The following NUP210L variants were observed in gnomAD, a reference collection of about 807,000 sequenced individuals.
NUP210L encodes nuclear pore membrane glycoprotein 210-like.
NUP210L carries 74 observed loss-of-function variants against 208.5 expected under a neutral mutation model. The observed-to-expected ratio is 0.35, with a 90% CI of 0.29 to 0.43. NUP210L has a LOEUF of 0.43. NUP210L is among the 20% of genes least tolerant of loss of function. NUP210L has a pLI of 1.00. For missense variants in NUP210L, 1,843 were observed against 2,289.4 expected (o/e 0.81, Z 3.98); for synonymous variants, 780 against 816.9 (o/e 0.95, Z 0.77).
At chr1:154,069,217 G>A (rs949712187) in intron 17 of NUP210L, among the ~76,000 whole-genome samples, 1 of 152,214 alleles carries the variant, frequency 6.6e-6, no homozygotes, top group African/African-American at 2.4e-5. Context: ...AAACTAAAGA[G>A]CTTTTGCACA....
chr1:154,137,987 A>T, intron 6 of NUP210L, 119 bp downstream of exon 6: 1 of 697,396 alleles, frequency 1.4e-6, no homozygotes, highest in South Asian at 3.0e-5. Context: ...AGCAATTAAC[A>T]CTTTACCACA....
chr1:154,015,593 G>A (rs1651192007), intron 33 of NUP210L, among the ~76,000 whole-genome samples: 2 of 151,960 alleles, frequency 1.3e-5, no homozygotes, highest in Non-Finnish European at 2.9e-5. Flanking sequence ...GGTGGCAGGT[G>A]CCTGTAATCC....
At chr1:154,010,484 C>T (rs904366871) in intron 34 of NUP210L, among the ~76,000 whole-genome samples, 2 of 152,128 alleles carry the variant, frequency 1.3e-5, no homozygotes, top group Non-Finnish European at 2.9e-5. Flanking sequence ...GCAATTCTTC[C>T]TGCCTCAGTC....
At chr1:154,108,467 C>CTCAACAACACA (rs1244728467) in intron 12 of NUP210L, among the ~76,000 whole-genome samples, 4 of 151,994 alleles carry the variant, frequency 2.6e-5, no homozygotes, top group African/African-American at 9.7e-5. Flanking sequence ...TGCAACCAGC[C>CTCAACAACACA]TAGAGTTTTG....
At chr1:154,055,163 C>CTTTCTTTCTT (rs1653777609) in intron 23 of NUP210L, among the ~76,000 whole-genome samples, 1 of 116,800 alleles carries the variant, frequency 8.6e-6, no homozygotes, top group African/African-American at 3.2e-5. Context: ...TTCTTTCTTT[C>CTTTCTTTCTT]TTTCTTTCTT....
intron 37 of NUP210L, 72 bp from the exon 38 acceptor site, chr1:153,995,252 T>G: frequency 1.8e-6 from 2 of 1,138,992 alleles, no homozygotes; most frequent in South Asian, 1.3e-5. Flanking sequence ...TTTTTTAAAT[T>G]TAATTTTTTT....
chr1:154,054,681 G>T, intron 24 of NUP210L, 89 bp downstream of exon 24: 1 of 988,306 alleles, frequency 1.0e-6, no homozygotes, highest in South Asian at 1.4e-5. Flanking sequence ...GTAAATAAGA[G>T]ATCAATAGGA....
At chr1:153,993,567 GA>G (rs1211758853) in intron 38 of NUP210L, among the ~76,000 whole-genome samples, 3,772 of 122,796 alleles carry the variant, frequency 0.031, 162 homozygotes, top group African/African-American at 0.1. Context: ...CTCTGTCTCA[GA>G]AAAAAAAAAA....
chr1:154,098,846 G>A (rs1353528731), intron 14 of NUP210L, among the ~76,000 whole-genome samples: 1 of 152,206 alleles, frequency 6.6e-6, no homozygotes, highest in Non-Finnish European at 1.5e-5. Flanking sequence ...GAACTTGTCT[G>A]CCTCCTGCCG....
intron 27 of NUP210L, among the ~76,000 whole-genome samples, chr1:154,039,286 T>C (rs970234976): frequency 4.7e-5 from 7 of 149,346 alleles, no homozygotes; most frequent in African/African-American, 1.7e-4. Context: ...CAGGCTGGAG[T>C]GCAATAGTGT....
intron 27 of NUP210L, among the ~76,000 whole-genome samples, chr1:154,043,557 G>A (rs1471578440): frequency 6.7e-6 from 1 of 149,112 alleles, no homozygotes; most frequent in Non-Finnish European, 1.5e-5. Context: ...CCCGACCTCA[G>A]GTGATCCACC....
chr1:154,095,226 A>G, intron 14 of NUP210L, 70 bp from the exon 15 acceptor site: 1 of 1,124,184 alleles, frequency 8.9e-7, no homozygotes, highest in Admixed American at 1.9e-5. Flanking sequence ...GTGAAACACT[A>G]GTTATCTGAA....
intron 34 of NUP210L, among the ~76,000 whole-genome samples, chr1:154,011,679 G>GTTTTTTTTTT (rs34653809): frequency 1.3e-5 from 1 of 78,422 alleles, no homozygotes; most frequent in Non-Finnish European, 2.4e-5. Context: ...ATTATCTTAA[G>GTTTTTTTTTT]TTTTTTTTTT....
intron 2 of NUP210L, among the ~76,000 whole-genome samples, chr1:154,145,539 T>C (rs1332479111): frequency 6.6e-6 from 1 of 152,192 alleles, no homozygotes; most frequent in African/African-American, 2.4e-5. Context: ...GGAAATGGCA[T>C]GCTTCCTTTC....
At chr1:154,103,903 A>G in intron 13 of NUP210L, 109 bp downstream of exon 13, 1 of 800,488 alleles carries the variant, frequency 1.2e-6, no homozygotes, top group Admixed American at 2.7e-5. Context: ...GTAGTTTCTG[A>G]ATTGTTGATT....
intron 25 of NUP210L, among the ~76,000 whole-genome samples, chr1:154,053,505 C>T (rs575298040): frequency 2.0e-5 from 3 of 152,326 alleles, no homozygotes; most frequent in Non-Finnish European, 2.9e-5. Context: ...GTGACATGTT[C>T]GTTATGGCCA....
chr1:154,024,575 G>C (rs901831435), intron 30 of NUP210L, among the ~76,000 whole-genome samples: 1 of 152,018 alleles, frequency 6.6e-6, no homozygotes, highest in African/African-American at 2.4e-5. Context: ...CCAGGCTGCA[G>C]TGCAGCAGTT....
At position 154,154,743 on chromosome 1, in the gene NUP210L, C is replaced by A. The variant is rs1224347647; in HGVS notation, c.203+99G>T. The A allele has an allele frequency of 1.1e-5, 11 of 972,592 alleles. No individual in the cohort carries two copies. In the South Asian group the frequency reaches 1.2e-4, roughly 11 times the overall value. The allele number at this position is 972,592 out of a possible 1,614,324, so 60.2% of individuals were successfully genotyped here. A position where few individuals can be genotyped will look rare whatever the true frequency, so the allele number is the denominator to read the frequency against. On this transcript the variant is annotated intron_variant, in intron 1 of 39. Transcript: ENST00000368559. The stretch of plus-strand genomic sequence containing the variant: ...CTACCGGCTAGGCCCCTTCACGCGG[C>A]CCCACACGGTATTCCTGTGGGATCT...
At chr1:154,134,289 T>C (rs1658405273) in intron 7 of NUP210L, among the ~76,000 whole-genome samples, 1 of 152,022 alleles carries the variant, frequency 6.6e-6, no homozygotes, top group African/African-American at 2.4e-5. Flanking sequence ...AATGAATTTC[T>C]TTCAGATTAA....
Sources: allele counts gnomAD v4.1 joint callset (sites outside exome capture counted in the v4.1 genomes callset), GRCh38; gene constraint gnomAD v4.1.1; transcripts MANE v1.5; gene names NCBI Gene and HGNC (gene_info 2026-07-23, HGNC 2026-07-21).